Variants in PARD3B observed in about 807,000 individuals in gnomAD.
PARD3B encodes partitioning defective 3 homolog B.
PARD3B carries 103 observed loss-of-function variants against 130.2 expected under a neutral mutation model. That is an observed-to-expected ratio of 0.79 (90% CI 0.67 to 0.93). The LOEUF is 0.93. Ranked by LOEUF, PARD3B falls within the 40% of genes least tolerant of loss-of-function variation. The pLI is 0.00. For missense variants in PARD3B, 1,609 were observed against 1,499.2 expected, an observed-to-expected ratio of 1.07 and a Z score of -1.21; for synonymous variants, 583 against 553.2, an observed-to-expected ratio of 1.05 and a Z score of -0.76.
chr2:205,489,500 T>TATATACACGTATATATACAC (rs1559141221), intron 20 of PARD3B, among the ~76,000 whole-genome samples: 1 of 139,404 alleles, frequency 7.2e-6, no homozygotes, highest in Non-Finnish European at 1.5e-5. Context: ...TATGTGTGTA[T>TATATACACGTATATATACAC]ATATATATAC....
At chr2:205,337,920 C>T (rs1257241026) in intron 18 of PARD3B, among the ~76,000 whole-genome samples, 3 of 151,928 alleles carry the variant, frequency 2.0e-5, no homozygotes, top group South Asian at 2.1e-4. Context: ...GAGGCCAAGG[C>T]GGGTGGATCA....
chr2:205,576,952 G>A (rs1348672471), intron 22 of PARD3B, among the ~76,000 whole-genome samples: 3 of 152,022 alleles, frequency 2.0e-5, no homozygotes, highest in Non-Finnish European at 4.4e-5. Context: ...ATTTATTTAG[G>A]TCTTCTTTGA....
chr2:204,628,053 A>G (rs192807950), intron 1 of PARD3B, among the ~76,000 whole-genome samples: 2 of 151,536 alleles, frequency 1.3e-5, no homozygotes, highest in Admixed American at 1.3e-4. Context: ...GCCCAAGACA[A>G]TTCTTCTGCT....
In PARD3B at chr2:205,309,172, A is replaced by G. The variant is rs927926243; in HGVS notation, c.2630+7471A>G. On this transcript the variant is annotated intron_variant, in intron 18 of 22. Coordinates refer to ENST00000406610, the MANE Select transcript of PARD3B (RefSeq NM_001302769.2). This position sits in a 1 kb window ranked among gnomAD's most constrained non-coding sequence, Gnocchi z 4.7. ...CCAAACTGTGTCTGTTTTAGTACAC[A>G]AAACCCTAGGATACCTGCAGTACAC... 1.3e-5 allele frequency among the ~76,000 whole-genome samples: 2 copies of G among 152,244 alleles called. No homozygotes were observed. The highest frequency in any genetic ancestry group is 2.9e-5 in the Non-Finnish European group (2 of 68,032).
chr2:205,559,011 C>T (rs2053023039), intron 22 of PARD3B, among the ~76,000 whole-genome samples: 5 of 152,206 alleles, frequency 3.3e-5, no homozygotes, highest in Admixed American at 2.0e-4. Flanking sequence ...CAGAACCTAA[C>T]ATAAGGCCAT....
intron 18 of PARD3B, among the ~76,000 whole-genome samples, chr2:205,339,921 A>T (rs1020979786): frequency 2.0e-5 from 3 of 150,336 alleles, no homozygotes; most frequent in African/African-American, 7.3e-5. Flanking sequence ...AAGGAGGCAG[A>T]AGTAAAGCAA....
At position 205,268,672 on chromosome 2, in the gene PARD3B, A is replaced by G. The variant is rs2040606359; in HGVS notation, c.2185+22850A>G. On this transcript the variant is annotated intron_variant, in intron 16 of 22. Transcript: ENST00000406610. This position sits in a 1 kb window ranked among gnomAD's most constrained non-coding sequence, Gnocchi z 4.1. ...GTATATTTAAAATTTTACTTCTGAG[A>G]TATATGATGAGTCCAAAATAAGTTT... Among the ~76,000 whole-genome samples the G allele has an allele frequency of 6.6e-6, 1 of 152,160 alleles. No individual in the cohort carries two copies. The highest frequency in any genetic ancestry group is 2.4e-5 in the African/African-American group (1 of 41,438).
intron 11 of PARD3B, among the ~76,000 whole-genome samples, chr2:205,170,367 G>A (rs2035086603): frequency 6.6e-6 from 1 of 152,168 alleles, no homozygotes; most frequent in East Asian, 1.9e-4. Flanking sequence ...TAGGGTAAAG[G>A]TTAAGTGAAA....
rs1696645032 is a variant in PARD3B at position 205,021,962 on chromosome 2, A to G, written c.395-25619A>G. 1.3e-5 allele frequency among the ~76,000 whole-genome samples: 2 copies of G among 152,302 alleles called. No individual in the cohort carries two copies. Among genetic ancestry groups the G allele is most frequent in the South Asian group, 4.1e-4 (2 of 4,830 alleles). ...AAATCCAAATACTCCAAAAAATCCA[A>G]TGCAAAAACTCCAAAATATCAAAAG... On this transcript the variant is annotated intron_variant, in intron 3 of 22. Transcript: ENST00000406610. This position sits in a 1 kb window ranked among gnomAD's most constrained non-coding sequence, Gnocchi z 4.5.
At position 204,982,743 on chromosome 2, in the gene PARD3B, G is replaced by A. The variant is rs560132796; in HGVS notation, c.394+17420G>A. 5.3e-5 allele frequency among the ~76,000 whole-genome samples: 8 copies of A among 152,212 alleles called. No homozygotes were observed. The South Asian group carries it at 1.7e-3, about 32-fold the overall frequency. On this transcript the variant is annotated intron_variant, in intron 3 of 22. Coordinates refer to ENST00000406610, the MANE Select transcript of PARD3B (RefSeq NM_001302769.2). ...AACTGTAACATTGCCCCTAGATAAT[G>A]GATAAAAGTTCAGTATTAAATAGAC...
chr2:205,384,039 C>T (rs971907656), intron 18 of PARD3B, among the ~76,000 whole-genome samples: 1 of 152,182 alleles, frequency 6.6e-6, no homozygotes, highest in East Asian at 1.9e-4. Flanking sequence ...TTTATCTCCC[C>T]TTAGCACAGT....
At chr2:204,937,946 G>T (rs983197349) in intron 2 of PARD3B, among the ~76,000 whole-genome samples, 1 of 152,160 alleles carries the variant, frequency 6.6e-6, no homozygotes, top group Non-Finnish European at 1.5e-5. Context: ...GAAAACTCAG[G>T]GTTATAGTCA....
At chr2:205,556,664 C>T (rs1035942917) in intron 22 of PARD3B, among the ~76,000 whole-genome samples, 2 of 152,128 alleles carry the variant, frequency 1.3e-5, no homozygotes, top group African/African-American at 2.4e-5. Context: ...TTTTGGAAAG[C>T]GGAGTGTGGT....
rs372587916 is a variant in PARD3B, at chr2:205,471,510, C to T, written c.3045-28386C>T. Among the ~76,000 whole-genome samples, 19 of 151,908 alleles carry T rather than the reference C, an allele frequency of 1.3e-4. No homozygotes were observed. The South Asian group carries it at 1.7e-3, about 13-fold the overall frequency. On this transcript the variant is annotated intron_variant, in intron 20 of 22. Transcript: ENST00000406610. ...CTGAGTAGCTGGGATTACAGGCATG[C>T]GCCACCACGCCTGGCTAATTTCTTG...
intron 15 of PARD3B, among the ~76,000 whole-genome samples, chr2:205,204,017 G>A (rs1169886513): frequency 6.6e-6 from 1 of 152,140 alleles, no homozygotes; most frequent in Admixed American, 6.6e-5. Context: ...GGATCCTTGA[G>A]GAATCACCAC....
chr2:204,923,534 A>G lies in PARD3B; in HGVS notation c.223-41618A>G, dbSNP rs548189547. 2.4e-4 allele frequency among the ~76,000 whole-genome samples: 36 copies of G among 152,150 alleles called. 1 individual carries two copies. The highest frequency in any genetic ancestry group is 6.8e-3 in the Middle Eastern group (2 of 294). On this transcript the variant is annotated intron_variant, in intron 2 of 22. Transcript: ENST00000406610. ...TATGTATTATATAAAGCCTAGATAT[A>G]TGTGCAGTACATCAGCAAATATACA...
rs113757777 is a variant in PARD3B at position 204,734,376 on chromosome 2, C to T, written c.222+48094C>T. ...AAGTTTGACATTTTCATAAGTTAAA[C>T]CTGTGCTTAGCCATTGTGTTCTTAA... On this transcript the variant is annotated intron_variant, in intron 2 of 22. Transcript: ENST00000406610. 4.4e-3 allele frequency among the ~76,000 whole-genome samples: 677 copies of T among 152,266 alleles called. 8 individuals carry two copies. Among genetic ancestry groups the T allele is most frequent in the African/African-American group, 0.015 (642 of 41,574 alleles).
At chr2:205,609,650 A>G (rs983939812) in intron 22 of PARD3B, among the ~76,000 whole-genome samples, 1 of 152,256 alleles carries the variant, frequency 6.6e-6, no homozygotes, top group African/African-American at 2.4e-5. Context: ...GTTTTCTGTA[A>G]GTGAAAAACC....
At chr2:205,370,312 ATT>A in intron 18 of PARD3B, among the ~76,000 whole-genome samples, 1 of 152,222 alleles carries the variant, frequency 6.6e-6, no homozygotes, top group East Asian at 1.9e-4. Context: ...TACTAGAACC[ATT>A]GTTTCATAAA....
Sources: gnomAD v4.1 joint callset for allele counts (sites outside exome capture counted in the v4.1 genomes callset) on GRCh38, gnomAD v4.1.1 for gene constraint, Gnocchi (gnomAD v3.1) non-coding constraint, MANE v1.5 for transcripts, NCBI Gene and HGNC (gene_info 2026-07-23, HGNC 2026-07-21) for gene names.